RGS7: variants seen among roughly 807,000 people sequenced by gnomAD.
The protein encoded by RGS7 is regulator of G-protein signaling 7.
A neutral mutation model predicts 81.1 loss-of-function variants in RGS7; 27 were observed. The observed-to-expected ratio is 0.33, with a 90% CI of 0.25 to 0.46. The LOEUF (loss-of-function observed/expected upper bound fraction) is 0.46, where lower values mean the gene tolerates loss of function less well. Among genes scored for constraint, RGS7 ranks in the 20% least tolerant of loss-of-function variants. RGS7 has a pLI of 1.00. For missense variants in RGS7, 396 were observed against 607.4 expected, an observed-to-expected ratio of 0.65 and a Z score of 3.66; for synonymous variants, 208 against 207.7, an observed-to-expected ratio of 1.00 and a Z score of -0.01.
rs537083993 is a variant in RGS7 at position 240,859,073 on chromosome 1, C to G, written c.609+9514G>C. 3.3e-5 allele frequency among the ~76,000 whole-genome samples: 5 copies of G among 152,290 alleles called. No homozygotes were observed. In the South Asian group the frequency reaches 1.0e-3, roughly 32 times the overall value. ...TGTAAAGAATTGATATAATTTGTCC[C>G]TCTTTGCTAGAATTCATCAGTGAAC... On this transcript the variant is annotated intron_variant, in intron 9 of 18. Coordinates refer to ENST00000440928, the MANE Select transcript of RGS7 (RefSeq NM_001364886.1).
chr1:240,931,469 G>T (rs1675426921), intron 5 of RGS7, among the ~76,000 whole-genome samples: 3 of 152,024 alleles, frequency 2.0e-5, no homozygotes, highest in Non-Finnish European at 4.4e-5. Context: ...AAATGCTTGA[G>T]GGAATGGAGA....
chr1:241,147,802 A>C (rs1309915981), intron 2 of RGS7, among the ~76,000 whole-genome samples: 3 of 122,464 alleles, frequency 2.4e-5, no homozygotes, highest in African/African-American at 9.9e-5. Context: ...ATATATATAT[A>C]TATATATATA....
At chr1:241,229,908 T>C (rs758282922) in intron 2 of RGS7, among the ~76,000 whole-genome samples, 8 of 152,166 alleles carry the variant, frequency 5.3e-5, no homozygotes, top group African/African-American at 9.7e-5. Flanking sequence ...ACCATAGAGA[T>C]TGACTGTGTT....
At chr1:240,992,329 C>T (rs1028317199) in intron 3 of RGS7, among the ~76,000 whole-genome samples, 7 of 152,140 alleles carry the variant, frequency 4.6e-5, no homozygotes, top group Non-Finnish European at 8.8e-5. Flanking sequence ...TGCTGAACCT[C>T]GTCTCTACTA....
intron 3 of RGS7, among the ~76,000 whole-genome samples, chr1:240,999,762 G>A (rs1298826084): frequency 2.6e-5 from 3 of 114,206 alleles, no homozygotes; most frequent in Admixed American, 8.1e-5. Flanking sequence ...CACCACGCTC[G>A]GCTAATTTTT....
chr1:240,789,887 C>A (rs186216237), intron 18 of RGS7, among the ~76,000 whole-genome samples: 21 of 152,266 alleles, frequency 1.4e-4, no homozygotes, highest in African/African-American at 5.1e-4. Flanking sequence ...TTCATACACT[C>A]CCTCCCCTTT....
chr1:240,828,129 T>C (rs1290724067), intron 9 of RGS7, among the ~76,000 whole-genome samples: 1 of 152,124 alleles, frequency 6.6e-6, no homozygotes, highest in East Asian at 1.9e-4. Context: ...CTGACCTTCC[T>C]TTTCCTTAAG....
chr1:241,212,109 T>C (rs536047471), intron 2 of RGS7, among the ~76,000 whole-genome samples: 12 of 151,766 alleles, frequency 7.9e-5, no homozygotes, highest in African/African-American at 1.2e-4. Flanking sequence ...TATTCAATTA[T>C]AATTAATAAA....
intron 6 of RGS7, among the ~76,000 whole-genome samples, chr1:240,922,106 A>G (rs558723509): frequency 6.6e-6 from 1 of 152,202 alleles, no homozygotes; most frequent in African/African-American, 2.4e-5. Flanking sequence ...AAGGTAGAAA[A>G]GGTAATCGAA....
At chr1:240,932,979 G>A (rs1343506864) in intron 5 of RGS7, among the ~76,000 whole-genome samples, 1 of 142,384 alleles carries the variant, frequency 7.0e-6, no homozygotes, top group African/African-American at 2.6e-5. Flanking sequence ...CGCCTCCCGG[G>A]TTCACGCCAT....
At chr1:241,005,767 C>G (rs894211294) in intron 3 of RGS7, among the ~76,000 whole-genome samples, 1 of 152,130 alleles carries the variant, frequency 6.6e-6, no homozygotes, top group African/African-American at 2.4e-5. Context: ...AAACTCCTGA[C>G]CTCGTGATCC....
At chr1:240,895,371 G>T (rs1668901864) in intron 6 of RGS7, among the ~76,000 whole-genome samples, 1 of 151,864 alleles carries the variant, frequency 6.6e-6, no homozygotes, top group Non-Finnish European at 1.5e-5. Context: ...CATGTGCCAT[G>T]TTGGTGTGCT....
At chr1:240,801,595 G>A in intron 16 of RGS7, 87 bp from the exon 17 acceptor site, 1 of 934,060 alleles carries the variant, frequency 1.1e-6, no homozygotes, top group Non-Finnish European at 1.7e-6. Flanking sequence ...AGCAGAAAAA[G>A]ACAGGATAAT....
At chr1:241,315,611 T>C (rs1228154613) in intron 2 of RGS7, among the ~76,000 whole-genome samples, 1 of 152,234 alleles carries the variant, frequency 6.6e-6, no homozygotes, top group Non-Finnish European at 1.5e-5. Flanking sequence ...GTCTCTGGGA[T>C]CTTCTACATA....
intron 2 of RGS7, among the ~76,000 whole-genome samples, chr1:241,313,889 G>A (rs559857074): frequency 4.8e-4 from 73 of 152,272 alleles, no homozygotes; most frequent in Non-Finnish European, 9.6e-4. Context: ...AGCCTTCAGC[G>A]GTGGAAGTCA....
chr1:241,197,794 C>G (rs1273573405), intron 2 of RGS7, among the ~76,000 whole-genome samples: 1 of 141,938 alleles, frequency 7.0e-6, no homozygotes, highest in Non-Finnish European at 1.5e-5. Flanking sequence ...ACTGATGGAC[C>G]AGGCAGAAAA....
chr1:240,818,018 C>A (rs1209074778), intron 10 of RGS7, among the ~76,000 whole-genome samples: 1 of 152,134 alleles, frequency 6.6e-6, no homozygotes, highest in Non-Finnish European at 1.5e-5. Flanking sequence ...TCCTTTCTTG[C>A]CCTACCACCA....
chr1:240,957,978 G>A (rs1680732357), intron 4 of RGS7, among the ~76,000 whole-genome samples: 1 of 152,182 alleles, frequency 6.6e-6, no homozygotes, highest in Admixed American at 6.5e-5. Context: ...TTCTCACGGA[G>A]ACTTGAAGAA....
At chr1:241,221,143 A>G (rs2074980834) in intron 2 of RGS7, among the ~76,000 whole-genome samples, 1 of 151,760 alleles carries the variant, frequency 6.6e-6, no homozygotes, top group South Asian at 2.1e-4. Context: ...GAAAGAAAAG[A>G]AAAAAGAAAA....
Sources: gnomAD v4.1 joint callset for allele counts (sites outside exome capture counted in the v4.1 genomes callset) on GRCh38, gnomAD v4.1.1 for gene constraint, MANE v1.5 for transcripts, NCBI Gene and HGNC (gene_info 2026-07-23, HGNC 2026-07-21) for gene names.